CLIC4: variants seen among roughly 807,000 people sequenced by gnomAD.
CLIC4 encodes chloride intracellular channel protein 4.
Under a neutral mutation model 24.6 loss-of-function variants are expected in CLIC4, and 13 were observed. The observed-to-expected ratio is 0.53, with a 90% CI of 0.34 to 0.84. The LOEUF (loss-of-function observed/expected upper bound fraction) is 0.84. Among genes scored for constraint, CLIC4 ranks in the 40% least tolerant of loss-of-function variants. The pLI is 0.01. For synonymous variants in CLIC4, 104 were observed against 111.3 expected, an observed-to-expected ratio of 0.93 and a Z score of 0.41; for missense variants, 227 against 301.7, an observed-to-expected ratio of 0.75 and a Z score of 1.83.
At chr1:24,781,346 A>G (rs113283190) in intron 1 of CLIC4, among the ~76,000 whole-genome samples, 3,008 of 147,994 alleles carry the variant, frequency 0.02, 97 homozygotes, top group African/African-American at 0.071. Flanking sequence ...GTTTCACCAT[A>G]TTGCCCAGGC....
intron 1 of CLIC4, among the ~76,000 whole-genome samples, chr1:24,770,220 A>T (rs867880294): frequency 6.6e-6 from 1 of 151,952 alleles, no homozygotes; most frequent in African/African-American, 2.4e-5. Context: ...AACAAAAATC[A>T]TATACTAATT....
At chr1:24,751,005 T>C (rs980574513) in intron 1 of CLIC4, among the ~76,000 whole-genome samples, 1 of 152,096 alleles carries the variant, frequency 6.6e-6, no homozygotes, top group Non-Finnish European at 1.5e-5. Flanking sequence ...TGTGCCCTTC[T>C]TTCAGAGAAT....
chr1:24,756,251 G>A (rs1174621461), intron 1 of CLIC4, among the ~76,000 whole-genome samples: 5 of 152,004 alleles, frequency 3.3e-5, no homozygotes, highest in South Asian at 2.1e-4. Context: ...CGCCCGCCTC[G>A]GCCTCCCAAA....
chr1:24,823,269 TTTC>T lies in CLIC4; in HGVS notation c.309-3733_309-3731del, dbSNP rs1379806937. 4.6e-5 allele frequency among the ~76,000 whole-genome samples: 7 copies of T among 152,196 alleles called. No homozygotes were observed. In the East Asian group the frequency reaches 7.7e-4, roughly 17 times the overall value. On this transcript the variant is annotated intron_variant, in intron 3 of 5. Coordinates refer to ENST00000374379, the MANE Select transcript of CLIC4 (RefSeq NM_013943.3). ...TGGCTATAGGTTTTAAAGTGAACTTTTTCTTCTTCTCTGGGGAAAGTATTTTTG... is the reference window on the plus strand; with the variant it reads ...TGGCTATAGGTTTTAAAGTGAACTTTTTCTTCTCTGGGGAAAGTATTTTTG...
chr1:24,781,808 G>A (rs1434110415), intron 1 of CLIC4, among the ~76,000 whole-genome samples: 5 of 151,600 alleles, frequency 3.3e-5, no homozygotes, highest in African/African-American at 9.7e-5. Context: ...CCGCCACCAC[G>A]CCTAACTAAT....
chr1:24,820,421 C>G (rs1639718570), intron 3 of CLIC4, among the ~76,000 whole-genome samples: 1 of 151,058 alleles, frequency 6.6e-6, no homozygotes, highest in South Asian at 2.1e-4. Flanking sequence ...GCCACCATGC[C>G]CAGCTAAGTT....
intron 3 of CLIC4, 144 bp from the exon 4 acceptor site, chr1:24,826,866 A>G (rs904263448): frequency 3.7e-6 from 2 of 533,402 alleles, no homozygotes. Flanking sequence ...CAGTTTTTAA[A>G]AATACCATAG....
intron 1 of CLIC4, among the ~76,000 whole-genome samples, chr1:24,765,053 A>G (rs1638977059): frequency 6.6e-6 from 1 of 152,224 alleles, no homozygotes; most frequent in African/African-American, 2.4e-5. Context: ...ATTTTCCACT[A>G]GAGTTATTGT....
chr1:24,822,058 C>T (rs1161107123), intron 3 of CLIC4, among the ~76,000 whole-genome samples: 2 of 152,178 alleles, frequency 1.3e-5, no homozygotes, highest in African/African-American at 4.8e-5. Context: ...TCCAAGGTTT[C>T]ACAGTTAATG....
chr1:24,831,968 A>G (rs1199056877), intron 4 of CLIC4, among the ~76,000 whole-genome samples: 1 of 152,162 alleles, frequency 6.6e-6, no homozygotes, highest in Non-Finnish European at 1.5e-5. Context: ...TAAGAAGCAT[A>G]TTAACTCTTG....
intron 1 of CLIC4, among the ~76,000 whole-genome samples, chr1:24,763,733 C>T (rs533819327): frequency 6.6e-6 from 1 of 152,096 alleles, no homozygotes; most frequent in African/African-American, 2.4e-5. Context: ...CCCATCTCTT[C>T]CATTCCCATT....
intron 1 of CLIC4, among the ~76,000 whole-genome samples, chr1:24,750,267 AT>A (rs1638757749): frequency 6.6e-6 from 1 of 152,122 alleles, no homozygotes; most frequent in Admixed American, 6.6e-5. Context: ...ACAAAGGCTT[AT>A]AATGGCAATC....
At chr1:24,778,544 A>T (rs1639168636) in intron 1 of CLIC4, among the ~76,000 whole-genome samples, 1 of 151,746 alleles carries the variant, frequency 6.6e-6, no homozygotes. Context: ...TCTTTCTTTC[A>T]TTTGTTGTCA....
chr1:24,803,644 C>T (rs1415631310), intron 2 of CLIC4, among the ~76,000 whole-genome samples: 3 of 152,144 alleles, frequency 2.0e-5, no homozygotes, highest in African/African-American at 7.2e-5. Context: ...GCCCAGGCTT[C>T]ACAAAGAATT....
chr1:24,765,934 C>T lies in CLIC4; in HGVS notation c.72+20309C>T, dbSNP rs1017240038. ...TCAAGCAATTCTCCTGCCTCAGCCT[C>T]CCAACTAGCTGGGATTACAGGCGCC... is the stretch of plus-strand genomic sequence containing the variant. On this transcript the variant is annotated intron_variant, in intron 1 of 5. Transcript: ENST00000374379. 4.0e-5 allele frequency among the ~76,000 whole-genome samples: 6 copies of T among 151,722 alleles called. No homozygotes were observed. The East Asian group carries it at 7.7e-4, about 20-fold the overall frequency.
chr1:24,795,798 G>A (rs1032920673), intron 1 of CLIC4, among the ~76,000 whole-genome samples: 3 of 152,138 alleles, frequency 2.0e-5, no homozygotes, highest in African/African-American at 7.2e-5. Context: ...TCAAACTCCC[G>A]ACCTTGTGAT....
At chr1:24,755,223 C>T (rs1175465506) in intron 1 of CLIC4, among the ~76,000 whole-genome samples, 1 of 151,752 alleles carries the variant, frequency 6.6e-6, no homozygotes, top group Non-Finnish European at 1.5e-5. Flanking sequence ...GCCTCGGCCT[C>T]CCAAAGTACT....
intron 1 of CLIC4, among the ~76,000 whole-genome samples, chr1:24,791,953 G>C (rs1278247389): frequency 2.0e-5 from 3 of 151,252 alleles, no homozygotes; most frequent in Non-Finnish European, 4.4e-5. Flanking sequence ...GGAGGCTGAG[G>C]CAGGAGAATG....
At chr1:24,775,952 C>G (rs1298854853) in intron 1 of CLIC4, among the ~76,000 whole-genome samples, 1 of 151,500 alleles carries the variant, frequency 6.6e-6, no homozygotes, top group Non-Finnish European at 1.5e-5. Flanking sequence ...TTTTGTTATG[C>G]CCGTCTTAAA....
Sources: gnomAD v4.1 joint callset for allele counts (sites outside exome capture counted in the v4.1 genomes callset) on GRCh38, gnomAD v4.1.1 for gene constraint, MANE v1.5 for transcripts, NCBI Gene and HGNC (gene_info 2026-07-23, HGNC 2026-07-21) for gene names.